MGST2: variants seen among roughly 807,000 people sequenced by gnomAD.
MGST2 encodes glutathione peroxidase MGST2.
In MGST2, 9 loss-of-function variants were observed where a neutral mutation model predicts 16.6. That is an observed-to-expected ratio of 0.54 (90% CI 0.33 to 0.95). The LOEUF is 0.95. MGST2 is among the 40% of genes least tolerant of loss of function. The probability of loss-of-function intolerance (pLI) is 0.03; values close to 1 mark genes in which losing one functional copy is unlikely to be tolerated. For missense variants in MGST2, 159 were observed against 175.1 expected, an observed-to-expected ratio of 0.91 and a Z score of 0.52; for synonymous variants, 79 against 68.0, an observed-to-expected ratio of 1.16 and a Z score of -0.79.
chr4:139,698,508 G>C (rs1727059055), intron 3 of MGST2: 1 of 1,158,190 alleles, frequency 8.6e-7, no homozygotes, highest in Admixed American at 1.7e-5. Flanking sequence ...CTTCCTGGGT[G>C]CTTTACCACC....
downstream of MGST2, among the ~76,000 whole-genome samples, chr4:139,707,226 G>A (rs1281229596): frequency 3.3e-5 from 5 of 149,560 alleles, no homozygotes; most frequent in South Asian, 2.1e-4. Context: ...AACAGTCCCC[G>A]GAGTGTGATG....
At chr4:139,698,571 T>A in intron 3 of MGST2, 1 of 792,922 alleles carries the variant, frequency 1.3e-6, no homozygotes, top group South Asian at 1.6e-5. Context: ...GAGACCTCCT[T>A]ACTTACCCCC....
At chr4:139,710,247 C>T (rs1309235019) in intron 5 of MGST2, among the ~76,000 whole-genome samples, 2 of 152,172 alleles carry the variant, frequency 1.3e-5, no homozygotes, top group Non-Finnish European at 2.9e-5. Flanking sequence ...ATGGAATGTT[C>T]CTTAATCACC....
intron 5 of MGST2, among the ~76,000 whole-genome samples, chr4:139,732,573 G>A (rs1372869782): frequency 1.2e-4 from 4 of 32,524 alleles, no homozygotes; most frequent in East Asian, 9.1e-4. Flanking sequence ...GAACTAGAAC[G>A]CTATTTTTTT....
chr4:139,746,897 G>A, the MGST2 span, among the ~76,000 whole-genome samples: 2 of 152,176 alleles, frequency 1.3e-5, no homozygotes, highest in South Asian at 2.1e-4. Flanking sequence ...TCGGGTGGGA[G>A]GGGGTTGCTG....
Position 139,719,499 on chromosome 4 carries a change from T to C in MGST2, c.*48+15303T>C, listed in dbSNP as rs925450964. The C allele has an allele frequency of 1.9e-6, 3 of 1,613,894 alleles. No homozygotes were observed. The African/African-American group carries it at 4.0e-5, about 22-fold the overall frequency. ...GGGGCATTCCGCTCATAGGCTTGGC[T>C]CTGGCTGCTTGGAGCAAAGCTGCCA... On this transcript the variant is annotated intron_variant, in intron 5 of 5. Coordinates refer to the MGST2 transcript ENST00000616265.
At chr4:139,691,670 G>GATTATT (rs1560747673) in intron 2 of MGST2, among the ~76,000 whole-genome samples, 31 of 119,950 alleles carry the variant, frequency 2.6e-4, no homozygotes, top group African/African-American at 1.2e-3. Context: ...GCAGTCAGAT[G>GATTATT]ATGATGATGA....
At chr4:139,730,671 G>T (rs1383912744) in intron 5 of MGST2, 18 of 1,610,242 alleles carry the variant, frequency 1.1e-5, no homozygotes, top group Non-Finnish European at 1.5e-5. Context: ...GCTGCTCCTG[G>T]GAAGACAAGA....
In MGST2 at chr4:139,678,560, G is replaced by A. The variant is rs775629048; in HGVS notation, c.76G>A (p.Val26Ile). The part of the protein sequence containing the change: ...ACQQSYFALQ[V>I]GKARLKYKVT... ...ACTTGCAGGTTATTTTGCTTTGCAA[G>A]TTGGAAAGGCAAGATTAAAATACAA... Residue 26 changes from valine (V) to isoleucine (I), a missense_variant, in exon 2 of 5, where the codon GTT becomes ATT. Transcript: ENST00000265498. The A allele has an allele frequency of 4.3e-6, 7 of 1,613,934 alleles. No individual in the cohort carries two copies. In the Admixed American group the frequency reaches 1.2e-4, roughly 27 times the overall value.
At chr4:139,681,038 A>G (rs1238607536) in intron 2 of MGST2, among the ~76,000 whole-genome samples, 2 of 151,656 alleles carry the variant, frequency 1.3e-5, no homozygotes, top group South Asian at 2.1e-4. Context: ...TTTTGTTTTG[A>G]GACAGGGTCT....
chr4:139,725,661 T>C, intron 5 of MGST2: 2 of 1,262,752 alleles, frequency 1.6e-6, no homozygotes, highest in Non-Finnish European at 2.3e-6. Flanking sequence ...TGGACACAAA[T>C]ACAGCCAGTA....
intron 2 of MGST2, among the ~76,000 whole-genome samples, chr4:139,686,062 C>G (rs1180093820): frequency 1.3e-5 from 2 of 152,218 alleles, no homozygotes; most frequent in Non-Finnish European, 2.9e-5. Flanking sequence ...TGGGGTGCAA[C>G]TTGGCGTTAT....
the MGST2 span, among the ~76,000 whole-genome samples, chr4:139,752,860 C>G: frequency 1.2e-4 from 19 of 152,200 alleles, no homozygotes; most frequent in African/African-American, 3.6e-4. Flanking sequence ...GCTGTTAATG[C>G]GATGTCATTA....
intron 2 of MGST2, among the ~76,000 whole-genome samples, chr4:139,690,270 G>T (rs1011876864): frequency 1.3e-5 from 2 of 151,946 alleles, no homozygotes; most frequent in Non-Finnish European, 2.9e-5. Flanking sequence ...AGGATTACAG[G>T]TGTGAGCCAC....
intron 2 of MGST2, 103 bp from the exon 3 acceptor site, chr4:139,695,094 T>C (rs1463420219): frequency 1.3e-6 from 1 of 792,430 alleles, no homozygotes; most frequent in African/African-American, 1.7e-5. Flanking sequence ...TAAGTTCTTA[T>C]ATTTTGTTAA....
At chr4:139,675,892 G>T (rs1730933360) in intron 1 of MGST2, among the ~76,000 whole-genome samples, 2 of 152,168 alleles carry the variant, frequency 1.3e-5, no homozygotes, top group Admixed American at 1.3e-4. Context: ...GCATTCCGGA[G>T]ATGTATAGAG....
At chr4:139,728,858 T>C (rs1016607061) in intron 5 of MGST2, among the ~76,000 whole-genome samples, 8 of 152,224 alleles carry the variant, frequency 5.3e-5, no homozygotes, top group African/African-American at 1.9e-4. Flanking sequence ...ACAGCTGAGC[T>C]CTGCCTGCTT....
intron 5 of MGST2, chr4:139,719,199 G>T: frequency 1.8e-6 from 2 of 1,105,372 alleles, no homozygotes; most frequent in Non-Finnish European, 2.5e-6. Context: ...TTGTCAGCCA[G>T]CTGCAGTTTT....
chr4:139,726,078 C>T (rs1579363454), intron 5 of MGST2, among the ~76,000 whole-genome samples: 1 of 152,206 alleles, frequency 6.6e-6, no homozygotes, highest in Admixed American at 6.5e-5. Flanking sequence ...AGGAGCCCCT[C>T]GTGCCCCTTC....
Sources: gnomAD v4.1 joint callset for allele counts (sites outside exome capture counted in the v4.1 genomes callset) on GRCh38, gnomAD v4.1.1 for gene constraint, MANE v1.5 for transcripts, NCBI Gene and HGNC (gene_info 2026-07-23, HGNC 2026-07-21) for gene names.